The following PUDP variants were observed in gnomAD, a reference collection of about 807,000 sequenced individuals.
The protein encoded by PUDP is pseudouridine 5'-phosphatase, also known as pseudouridine-5'-phosphatase.
Under a neutral mutation model 9.4 loss-of-function variants are expected in PUDP, and 8 were observed. That is an observed-to-expected ratio of 0.85 (90% confidence interval 0.50 to 1.53). PUDP has a LOEUF of 1.53. Ranked by LOEUF, PUDP falls within the 40% of genes most tolerant of loss-of-function variation. PUDP has a pLI of 0.00. For synonymous variants in PUDP, 99 were observed against 80.7 expected (o/e 1.23, Z -1.22); for missense variants, 188 against 189.7 (o/e 0.99, Z 0.05).
At chrX:6,731,631 C>G (rs1017713295) in intron 3 of PUDP, among the ~76,000 whole-genome samples, 1 of 110,487 alleles carries the variant, frequency 9.1e-6, no homozygotes, top group Non-Finnish European at 1.9e-5. Context: ...TACACTCAAC[C>G]AAATGTACAA....
Position 6,881,933 on chromosome X carries a change from A to T in PUDP, c.*247+95200T>A, listed in dbSNP as rs1473405326. ...TTCTGGAAGACTATGTAATGGGGTG[A>T]TCTGCATCTGCTATCATGATAGAGG... On this transcript the variant is annotated intron_variant and NMD_transcript_variant, in intron 3 of 3. Coordinates refer to the PUDP transcript ENST00000655425. Among the ~76,000 whole-genome samples the T allele has an allele frequency of 5.5e-5, 6 of 108,445 alleles. No homozygotes were observed. In the East Asian group the frequency reaches 1.7e-3, roughly 32 times the overall value. 94.2% of individuals were successfully genotyped at this position (108,445 alleles called of 115,157 possible).
intron 3 of PUDP, among the ~76,000 whole-genome samples, chrX:6,913,141 A>G (rs969562987): frequency 7.2e-5 from 8 of 111,650 alleles, no homozygotes; most frequent in Non-Finnish European, 1.3e-4. Flanking sequence ...AAACCATGAA[A>G]AATTCCTTAA....
chrX:7,147,066 G>C (rs983142700), intron 1 of PUDP, among the ~76,000 whole-genome samples: 1 of 110,591 alleles, frequency 9.0e-6, no homozygotes, highest in African/African-American at 3.3e-5. Context: ...TTAAAAACAG[G>C]GTTTTATTCT....
chrX:6,736,534 A>G (rs369050474), intron 3 of PUDP, among the ~76,000 whole-genome samples: 31 of 112,581 alleles, frequency 2.8e-4, no homozygotes, highest in African/African-American at 9.3e-4. Flanking sequence ...TCATTCTACC[A>G]TAAAGACATA....
At chrX:6,776,732 C>T (rs1361164027) in intron 3 of PUDP, among the ~76,000 whole-genome samples, 1 of 112,009 alleles carries the variant, frequency 8.9e-6, no homozygotes, top group Non-Finnish European at 1.9e-5. Flanking sequence ...CGCACTTTCC[C>T]ACATCCTGTA....
At chrX:7,134,485 C>A (rs1034314439) in intron 1 of PUDP, among the ~76,000 whole-genome samples, 1 of 112,076 alleles carries the variant, frequency 8.9e-6, no homozygotes, top group Non-Finnish European at 1.9e-5. Context: ...CAGGACAAGT[C>A]GCCTCAATTC....
At chrX:7,104,396 G>T (rs952791046) in intron 2 of PUDP, among the ~76,000 whole-genome samples, 6 of 112,015 alleles carry the variant, frequency 5.4e-5, no homozygotes, top group Admixed American at 1.9e-4. Context: ...GCCAGGGGTT[G>T]AGGGCAGGGC....
intron 3 of PUDP, among the ~76,000 whole-genome samples, chrX:6,856,762 G>A (rs1432820565): frequency 9.0e-6 from 1 of 111,442 alleles, no homozygotes; most frequent in Non-Finnish European, 1.9e-5. Flanking sequence ...TTTTGTGAGG[G>A]TGTTTCAGGA....
intron 3 of PUDP, among the ~76,000 whole-genome samples, chrX:6,811,555 T>C (rs1046327525): frequency 9.0e-6 from 1 of 111,243 alleles, no homozygotes; most frequent in Non-Finnish European, 1.9e-5. Context: ...CCTCAATTGA[T>C]CTGCCTGCCT....
At chrX:7,068,983 GACA>G (rs1467563251) in intron 3 of PUDP, among the ~76,000 whole-genome samples, 3 of 112,062 alleles carry the variant, frequency 2.7e-5, no homozygotes, top group African/African-American at 9.8e-5. Context: ...CAGGCACAGT[GACA>G]ACAAGTAGCA....
chrX:6,709,551 C>G (rs1391488364), intron 1 of PUDP, among the ~76,000 whole-genome samples: 4 of 112,045 alleles, frequency 3.6e-5, no homozygotes, highest in Admixed American at 2.8e-4. Flanking sequence ...GGGTTTAGTA[C>G]GAGAGTCATT....
At chrX:6,914,959 A>G (rs898221197) in intron 3 of PUDP, among the ~76,000 whole-genome samples, 1 of 112,425 alleles carries the variant, frequency 8.9e-6, no homozygotes, top group African/African-American at 3.2e-5. Context: ...TACTAAGCAC[A>G]TGGAACATGA....
At chrX:7,095,173 G>C (rs936617708) in intron 2 of PUDP, among the ~76,000 whole-genome samples, 10 of 112,480 alleles carry the variant, frequency 8.9e-5, no homozygotes, top group African/African-American at 2.9e-4. Flanking sequence ...TGGGGCAGTA[G>C]AGCGCCGTGG....
intron 3 of PUDP, among the ~76,000 whole-genome samples, chrX:6,877,413 T>C (rs1273743473): frequency 8.9e-6 from 1 of 111,953 alleles, no homozygotes; most frequent in Non-Finnish European, 1.9e-5. Context: ...ACCTCATCTC[T>C]TAGACTTACG....
intron 3 of PUDP, among the ~76,000 whole-genome samples, chrX:6,950,302 C>A (rs1408224634): frequency 2.2e-5 from 2 of 90,456 alleles, no homozygotes; most frequent in Non-Finnish European, 4.3e-5. Context: ...CATGCCACTG[C>A]ACTCCAGCCT....
chrX:6,934,299 C>G (rs1343893543), intron 3 of PUDP, among the ~76,000 whole-genome samples: 1 of 102,279 alleles, frequency 9.8e-6, no homozygotes, highest in Non-Finnish European at 2.0e-5. Context: ...AGAAACCCTA[C>G]AAGCCAGAAG....
chrX:6,841,470 G>A (rs990098703), intron 3 of PUDP, among the ~76,000 whole-genome samples: 2 of 109,019 alleles, frequency 1.8e-5, no homozygotes, highest in Admixed American at 9.8e-5. Context: ...GTGCATGCCT[G>A]TAGTCCCATA....
intron 3 of PUDP, among the ~76,000 whole-genome samples, chrX:6,916,929 G>A (rs147383932): frequency 6.3e-5 from 7 of 111,481 alleles, no homozygotes; most frequent in East Asian, 2.8e-4. Flanking sequence ...TAAAATTATC[G>A]TTTCTATATC....
At chrX:6,834,699 T>C (rs959858870) in intron 3 of PUDP, among the ~76,000 whole-genome samples, 1 of 111,147 alleles carries the variant, frequency 9.0e-6, no homozygotes, top group Non-Finnish European at 1.9e-5. Context: ...ATAACAGAAA[T>C]CAATTGACTC....
Sources: allele counts gnomAD v4.1 joint callset (sites outside exome capture counted in the v4.1 genomes callset), GRCh38; gene constraint gnomAD v4.1.1; transcripts MANE v1.5; gene names NCBI Gene and HGNC (gene_info 2026-07-23, HGNC 2026-07-21).